CA10: variants seen among roughly 807,000 people sequenced by gnomAD.
The protein encoded by CA10 is carbonic anhydrase-related protein 10.
A neutral mutation model predicts 44.2 loss-of-function variants in CA10; 14 were observed. That is an observed-to-expected ratio of 0.32 (90% CI 0.21 to 0.50). The LOEUF (loss-of-function observed/expected upper bound fraction) is 0.50, where lower values mean the gene tolerates loss of function less well. CA10 is among the 20% of genes least tolerant of loss of function. CA10 has a pLI of 0.99. For synonymous variants in CA10, 159 were observed against 141.6 expected (o/e 1.12, Z -0.87); for missense variants, 350 against 409.7 (o/e 0.85, Z 1.26).
At chr17:51,702,222 T>C (rs1363511720) in intron 4 of CA10, among the ~76,000 whole-genome samples, 1 of 152,172 alleles carries the variant, frequency 6.6e-6, no homozygotes, top group Admixed American at 6.5e-5. Context: ...GCAAGATAGA[T>C]ATTATGGTCT....
intron 4 of CA10, among the ~76,000 whole-genome samples, chr17:51,727,733 C>A (rs1027061321): frequency 6.6e-6 from 1 of 152,154 alleles, no homozygotes; most frequent in Non-Finnish European, 1.5e-5. Context: ...TACTTCATGT[C>A]CATCCTATTT....
At chr17:52,012,727 T>A (rs1286984852) in intron 2 of CA10, among the ~76,000 whole-genome samples, 1 of 152,012 alleles carries the variant, frequency 6.6e-6, no homozygotes, top group African/African-American at 2.4e-5. Flanking sequence ...TAATTAATTG[T>A]CTACAATTTT....
chr17:52,081,658 G>T (rs947055448), intron 1 of CA10, among the ~76,000 whole-genome samples: 1 of 151,992 alleles, frequency 6.6e-6, no homozygotes, highest in Non-Finnish European at 1.5e-5. Flanking sequence ...AAATTAGCCG[G>T]GCGTAGTGGT....
chr17:51,807,639 A>G (rs1322984070), intron 3 of CA10, among the ~76,000 whole-genome samples: 1 of 152,248 alleles, frequency 6.6e-6, no homozygotes, highest in Non-Finnish European at 1.5e-5. Flanking sequence ...ATGAGTGCTT[A>G]CATTGCGGTA....
rs141595435 is a variant in CA10 at position 52,078,963 on chromosome 17, C to T, written c.62-6570G>A. 3.8e-3 allele frequency among the ~76,000 whole-genome samples: 578 copies of T among 152,248 alleles called. 3 individuals are homozygous for T. Among genetic ancestry groups the T allele is most frequent in the African/African-American group, 0.013 (546 of 41,550 alleles). On this transcript the variant is annotated intron_variant, in intron 1 of 8. Transcript: ENST00000451037. The stretch of plus-strand genomic sequence containing the variant: ...TCATTTCCACCTAACCGTAACCTTC[C>T]TGAGGTCAGAGAATATATCTTATTT...
chr17:52,137,662 T>C (rs1488806250), intron 1 of CA10, among the ~76,000 whole-genome samples: 1 of 152,200 alleles, frequency 6.6e-6, no homozygotes, highest in Non-Finnish European at 1.5e-5. Flanking sequence ...AGCTATAATA[T>C]CTTTCACAGT....
intron 4 of CA10, among the ~76,000 whole-genome samples, chr17:51,708,465 G>T (rs1343846886): frequency 6.6e-6 from 1 of 152,222 alleles, no homozygotes; most frequent in Non-Finnish European, 1.5e-5. Flanking sequence ...AATAATGTCT[G>T]TAGAGAAAGT....
intron 2 of CA10, among the ~76,000 whole-genome samples, chr17:52,017,885 G>A (rs1986018242): frequency 6.6e-6 from 1 of 152,144 alleles, no homozygotes; most frequent in South Asian, 2.1e-4. Flanking sequence ...GCTTGGAAAG[G>A]AAGAATGGTT....
At chr17:52,032,502 T>G (rs1220203228) in intron 2 of CA10, among the ~76,000 whole-genome samples, 2 of 152,154 alleles carry the variant, frequency 1.3e-5, no homozygotes, top group Non-Finnish European at 2.9e-5. Context: ...CCTCTTTCTT[T>G]TCCTTTAGTT....
At position 52,051,406 on chromosome 17, in the gene CA10, A is replaced by G. The variant is rs1392353891; in HGVS notation, c.136+20913T>C. Among the ~76,000 whole-genome samples, 3 of 152,142 alleles carry G rather than the reference A, an allele frequency of 2.0e-5. No individual in the cohort carries two copies. The East Asian group carries it at 5.8e-4, about 29-fold the overall frequency. Reference sequence around the variant, plus strand: ...AAATTTTGCAAACTACACATCCTACAAAGGTCTAATATCCAGCATTTATAG... The same window carrying G: ...AAATTTTGCAAACTACACATCCTACGAAGGTCTAATATCCAGCATTTATAG... On this transcript the variant is annotated intron_variant, in intron 2 of 8. Transcript: ENST00000451037.
chr17:51,632,718 C>T (rs752607631), intron 8 of CA10, among the ~76,000 whole-genome samples: 3 of 152,164 alleles, frequency 2.0e-5, no homozygotes, highest in Non-Finnish European at 2.9e-5. Context: ...TCCTGATTTC[C>T]AGTCCAGGGC....
chr17:51,723,187 T>C (rs781740235), intron 4 of CA10, among the ~76,000 whole-genome samples: 2 of 152,096 alleles, frequency 1.3e-5, no homozygotes, highest in Non-Finnish European at 2.9e-5. Context: ...GAAAGAAGAA[T>C]GTGAGGGATG....
rs1982997542 is a variant in CA10 at position 51,939,571 on chromosome 17, A to G, written c.137-8439T>C. 2.0e-5 allele frequency among the ~76,000 whole-genome samples: 3 copies of G among 152,202 alleles called. No homozygotes were observed. The South Asian group carries it at 6.2e-4, about 32-fold the overall frequency. The stretch of plus-strand genomic sequence containing the variant: ...ATGCATCCATTTCCCCAAAATCTCC[A>G]TAGTATTGGATGTTATTTATTATTT... On this transcript the variant is annotated intron_variant, in intron 2 of 8. Coordinates refer to ENST00000451037, the MANE Select transcript of CA10 (RefSeq NM_020178.5).
Position 51,927,443 on chromosome 17 carries a change from A to T in CA10, c.279+3547T>A, listed in dbSNP as rs548753495. On this transcript the variant is annotated intron_variant, in intron 3 of 8. Transcript: ENST00000451037. The stretch of plus-strand genomic sequence containing the variant: ...CAGCAGATAGGTTTCTATGTGCCAT[A>T]TTTCCTTCCTGAAAGCTAAACTCAC... 2.9e-4 allele frequency among the ~76,000 whole-genome samples: 44 copies of T among 152,230 alleles called. 1 individual carries two copies. Among genetic ancestry groups the T allele is most frequent in the Non-Finnish European group, 5.1e-4 (35 of 67,978 alleles).
chr17:52,127,424 T>A (rs577678249), intron 1 of CA10, among the ~76,000 whole-genome samples: 11 of 152,282 alleles, frequency 7.2e-5, no homozygotes, highest in African/African-American at 2.6e-4. Context: ...TGCATGCATA[T>A]TTCTCCAGGG....
At chr17:52,126,861 C>T (rs1428707381) in intron 1 of CA10, among the ~76,000 whole-genome samples, 1 of 152,126 alleles carries the variant, frequency 6.6e-6, no homozygotes, top group East Asian at 1.9e-4. Context: ...TAAAAATAAA[C>T]TAAGCAATGC....
chr17:51,707,671 A>ATGTGTG (rs3031847), intron 4 of CA10, among the ~76,000 whole-genome samples: 6,851 of 142,954 alleles, frequency 0.048, 170 homozygotes, highest in Middle Eastern at 0.059. Context: ...GTGGATGAAT[A>ATGTGTG]TGTGTGTGTG....
At chr17:51,782,853 C>T (rs1292481840) in intron 3 of CA10, among the ~76,000 whole-genome samples, 1 of 152,172 alleles carries the variant, frequency 6.6e-6, no homozygotes, top group Non-Finnish European at 1.5e-5. Context: ...AGTGGTAGAG[C>T]AGTGATGGTA....
intron 2 of CA10, among the ~76,000 whole-genome samples, chr17:52,017,039 C>A (rs374447939): frequency 6.6e-6 from 1 of 152,148 alleles, no homozygotes; most frequent in Non-Finnish European, 1.5e-5. Context: ...TTGAGGCTCT[C>A]GCTAGAAGCA....
Sources: gnomAD v4.1 joint callset for allele counts (sites outside exome capture counted in the v4.1 genomes callset) on GRCh38, gnomAD v4.1.1 for gene constraint, MANE v1.5 for transcripts, NCBI Gene and HGNC (gene_info 2026-07-23, HGNC 2026-07-21) for gene names.